The following C5orf15 variants were observed in gnomAD, a reference collection of about 807,000 sequenced individuals.
C5orf15 encodes keratinocyte-associated transmembrane protein 2.
A neutral mutation model predicts 17.8 loss-of-function variants in C5orf15; 10 were observed. The ratio of observed to expected loss-of-function variants is 0.56; its 90% CI spans 0.35 to 0.95. C5orf15 has a LOEUF of 0.95. C5orf15 is among the 40% of genes least tolerant of loss of function. The pLI is 0.02. For synonymous variants in C5orf15, 124 were observed against 131.0 expected, an observed-to-expected ratio of 0.95 and a Z score of 0.36; for missense variants, 319 against 331.7, an observed-to-expected ratio of 0.96 and a Z score of 0.30.
chr5:133,957,647 T>C (rs1338220968), intron 2 of C5orf15, among the ~76,000 whole-genome samples: 1 of 152,076 alleles, frequency 6.6e-6, no homozygotes, highest in African/African-American at 2.4e-5. Flanking sequence ...GCTAGCAATA[T>C]AGCACTAAAT....
chr5:133,960,686 G>A (rs1049237864), intron 1 of C5orf15, among the ~76,000 whole-genome samples: 2 of 152,302 alleles, frequency 1.3e-5, no homozygotes, highest in Middle Eastern at 3.4e-3. Flanking sequence ...TTTTGAAGAT[G>A]AGGGAAGGCA....
In C5orf15 at chr5:133,956,468, A is replaced by G. The variant is rs1406016507; in HGVS notation, c.*391T>C. ...CATTACAGTTTGGGAACAAAAAAAA[A>G]TGTGGATAAAAAATAGTATTTGAAT... On this transcript the variant is annotated 3_prime_UTR_variant, in exon 3 of 3. Transcript: ENST00000231512. 6.4e-6 allele frequency: 1 copy of G among 156,446 alleles called. No individual in the cohort carries two copies. The highest frequency in any genetic ancestry group is 1.4e-5 in the Non-Finnish European group (1 of 70,970). 9.7% of individuals were successfully genotyped at this position (156,446 alleles called of 1,614,324 possible).
chr5:133,962,050 T>C (rs942578701), intron 1 of C5orf15, among the ~76,000 whole-genome samples: 1 of 152,192 alleles, frequency 6.6e-6, no homozygotes, highest in Non-Finnish European at 1.5e-5. Context: ...AATTCAAGAA[T>C]TTAAAAATTA....
rs187246788 is a variant in C5orf15, at chr5:133,956,953, C to T, written c.704G>A (p.Gly235Asp). Residue 235 changes from glycine to aspartate, a missense_variant, in exon 3 of 3, where the codon GGC (glycine) becomes GAC (aspartate). By Grantham distance (94) the Gly-to-Asp change is moderately conservative. Transcript: ENST00000231512. ...GTATTCCACTGTTTTGGAACAAAGG[C>T]CATCACGCCATTTCCTGCTTTGAAC... Reference protein sequence around the residue: ...LLVQSRKWRDGLCSKTVEYHR... With the variant: ...LLVQSRKWRDDLCSKTVEYHR... 1.2e-6 allele frequency: 2 copies of T among 1,610,744 alleles called. No homozygotes were observed. Among genetic ancestry groups the T allele is most frequent in the East Asian group, 4.5e-5 (2 of 44,708 alleles).
At chr5:133,965,473 A>G (rs1475943011) in intron 1 of C5orf15, among the ~76,000 whole-genome samples, 1 of 152,224 alleles carries the variant, frequency 6.6e-6, no homozygotes, top group Non-Finnish European at 1.5e-5. Flanking sequence ...TTCAAATCAG[A>G]GAAGTTGATT....
chr5:133,959,988 C>T lies in C5orf15; in HGVS notation c.172G>A (p.Val58Ile), dbSNP rs373436126. The part of the protein sequence containing the change: ...VSRTDSPSPT[V>I]LNSHISTPNV... ...GGGGTAGAAATATGTGAGTTGAGTACGGTTGGGCTCGGTGAATCAGTCCGT... is the reference window on the plus strand; with the variant it reads ...GGGGTAGAAATATGTGAGTTGAGTATGGTTGGGCTCGGTGAATCAGTCCGT... The change falls in exon 2 of 3, where the codon GTA becomes ATA. Residue 58 changes from valine to isoleucine, a missense_variant. By Grantham distance (29) the Val-to-Ile change is conservative. Around this residue, in one of 3 missense-constraint regions of C5orf15, gnomAD observed 127 missense variants for 95.6 expected, o/e 1.33. Coordinates refer to ENST00000231512, the MANE Select transcript of C5orf15 (RefSeq NM_020199.3). The T allele has an allele frequency of 5.6e-6, 9 of 1,610,970 alleles. No homozygotes were observed. The highest frequency in any genetic ancestry group is 1.7e-5 in the Admixed American group (1 of 59,904).
At chr5:133,958,158 A>T (rs1752063176) in intron 2 of C5orf15, among the ~76,000 whole-genome samples, 1 of 151,916 alleles carries the variant, frequency 6.6e-6, no homozygotes. Flanking sequence ...CTGAAGTGGG[A>T]GGATTACTTG....
At chr5:133,960,741 C>A (rs1349766568) in intron 1 of C5orf15, among the ~76,000 whole-genome samples, 2 of 152,074 alleles carry the variant, frequency 1.3e-5, no homozygotes, top group African/African-American at 4.8e-5. Context: ...ATTCTTATTT[C>A]CCTGTGCTGC....
At chr5:133,962,017 AT>A (rs1410874057) in intron 1 of C5orf15, among the ~76,000 whole-genome samples, 1 of 152,172 alleles carries the variant, frequency 6.6e-6, no homozygotes, top group Non-Finnish European at 1.5e-5. Flanking sequence ...TAATTTTTGC[AT>A]TTATCACTTC....
At chr5:133,963,737 A>T (rs1004160764) in intron 1 of C5orf15, among the ~76,000 whole-genome samples, 2 of 152,244 alleles carry the variant, frequency 1.3e-5, no homozygotes, top group African/African-American at 2.4e-5. Context: ...CATGATGTCC[A>T]TAGAAAGCTC....
intron 1 of C5orf15, among the ~76,000 whole-genome samples, chr5:133,963,568 T>C (rs1460268477): frequency 6.6e-6 from 1 of 152,184 alleles, no homozygotes; most frequent in Non-Finnish European, 1.5e-5. Context: ...TGAAACAACA[T>C]GGTGGTGACT....
Position 133,959,947 on chromosome 5 carries a change from T to TA in C5orf15, c.212dup (p.Leu71PhefsTer4). On this transcript the variant is annotated frameshift_variant, in exon 2 of 3. Transcript: ENST00000231512. LOFTEE classifies it high-confidence loss of function. Reference sequence around the variant, plus strand: ...AAGGTTTGGTTTGGTTTTCATGTGTTAAAGCATTCACATTTGGGGTAGAAA... The same window carrying TA: ...AAGGTTTGGTTTGGTTTTCATGTGTTAAAAGCATTCACATTTGGGGTAGAAA... The TA allele has an allele frequency of 6.2e-7, 1 of 1,614,120 alleles. No homozygotes were observed. The highest frequency in any genetic ancestry group is 8.5e-7 in the Non-Finnish European group (1 of 1,180,018).
chr5:133,958,891 C>T (rs773801944), intron 2 of C5orf15, among the ~76,000 whole-genome samples: 1 of 151,832 alleles, frequency 6.6e-6, no homozygotes, highest in Non-Finnish European at 1.5e-5. Context: ...CAAATTAAGA[C>T]ATAAACTCTT....
intron 1 of C5orf15, among the ~76,000 whole-genome samples, chr5:133,966,639 C>T (rs1028774871): frequency 3.9e-5 from 6 of 152,194 alleles, no homozygotes; most frequent in Non-Finnish European, 8.8e-5. Context: ...TAACCTTCTA[C>T]CTTTGTAAAC....
Position 133,968,501 on chromosome 5 carries a change from C to T in C5orf15, c.84G>A (p.Gly28=). 6.2e-7 allele frequency: 1 copy of T among 1,606,858 alleles called. No individual in the cohort carries two copies. The highest frequency in any genetic ancestry group is 8.5e-7 in the Non-Finnish European group (1 of 1,177,122). Residue 28 remains glycine, a synonymous_variant, in exon 1 of 3, where the codon GGG becomes GGA. Coordinates refer to ENST00000231512, the MANE Select transcript of C5orf15 (RefSeq NM_020199.3). ...LPGSAIQALV[G]LARPLVLALL... ...GCGCCAAGACCAGCGGCCGCGCCAA[C>T]CCCACAAGGGCTTGGATGGCCGACC... is the stretch of plus-strand genomic sequence containing the variant.
At chr5:133,961,670 C>T (rs1025809506) in intron 1 of C5orf15, among the ~76,000 whole-genome samples, 2 of 151,036 alleles carry the variant, frequency 1.3e-5, no homozygotes, top group East Asian at 3.9e-4. Flanking sequence ...ACTGTAGCCT[C>T]GACCTCCTGG....
chr5:133,964,570 G>A (rs1561575530), intron 1 of C5orf15, among the ~76,000 whole-genome samples: 2 of 152,070 alleles, frequency 1.3e-5, no homozygotes, highest in Non-Finnish European at 2.9e-5. Flanking sequence ...ACTGGGTAGG[G>A]GATATGCAGG....
At chr5:133,964,371 T>C (rs954917837) in intron 1 of C5orf15, among the ~76,000 whole-genome samples, 7 of 152,316 alleles carry the variant, frequency 4.6e-5, no homozygotes, top group African/African-American at 1.4e-4. Context: ...TACCAACTTA[T>C]ACAAATGGAT....
At chr5:133,965,300 T>C (rs1489895233) in intron 1 of C5orf15, among the ~76,000 whole-genome samples, 1 of 152,174 alleles carries the variant, frequency 6.6e-6, no homozygotes, top group Non-Finnish European at 1.5e-5. Flanking sequence ...ACCCCCAGTA[T>C]CACCCTATTC....
Sources: allele counts gnomAD v4.1 joint callset (sites outside exome capture counted in the v4.1 genomes callset), GRCh38; gene constraint gnomAD v4.1.1; regional missense constraint gnomAD v4.1.1; transcripts MANE v1.5; gene names NCBI Gene and HGNC (gene_info 2026-07-23, HGNC 2026-07-21).